ASF1B: variants seen among roughly 807,000 people sequenced by gnomAD.
ASF1B encodes anti-silencing function 1B histone chaperone.
Under a neutral mutation model 16.6 loss-of-function variants are expected in ASF1B, and 10 were observed. The ratio of observed to expected loss-of-function variants is 0.60; its 90% CI spans 0.37 to 1.02. The LOEUF (loss-of-function observed/expected upper bound fraction) is 1.02. ASF1B is among the 50% of genes least tolerant of loss of function. The pLI is 0.01. For missense variants in ASF1B, 240 were observed against 266.0 expected, an observed-to-expected ratio of 0.90 and a Z score of 0.68; for synonymous variants, 101 against 106.2, an observed-to-expected ratio of 0.95 and a Z score of 0.30.
intron 1 of ASF1B, among the ~76,000 whole-genome samples, chr19:14,136,140 G>T (rs1280594816): frequency 6.6e-6 from 1 of 151,198 alleles, no homozygotes; most frequent in East Asian, 2.0e-4. Flanking sequence ...GGCAGTGGGG[G>T]AGGAGGTCAC....
At chr19:14,126,700 G>A (rs1175766856) in intron 1 of ASF1B, among the ~76,000 whole-genome samples, 1 of 152,132 alleles carries the variant, frequency 6.6e-6, no homozygotes. Context: ...TAGAACTCCT[G>A]ACCTCAGGTG....
intron 3 of ASF1B, among the ~76,000 whole-genome samples, chr19:14,120,877 A>T (rs1354119227): frequency 6.6e-6 from 1 of 151,614 alleles, no homozygotes; most frequent in Non-Finnish European, 1.5e-5. Flanking sequence ...CTGGAGTGCA[A>T]TGCTGTGATC....
chr19:14,121,847 C>T, intron 2 of ASF1B, 139 bp from the exon 3 acceptor site: 1 of 765,780 alleles, frequency 1.3e-6, no homozygotes, highest in African/African-American at 1.8e-5. Context: ...TTACTTCTGC[C>T]TCTCGGGTTC....
Position 14,121,598 on chromosome 19 carries a change from G to A in ASF1B, c.336C>T (p.Tyr112=), listed in dbSNP as rs769986777. The stretch of plus-strand genomic sequence containing the variant: ...CAGGGTTGAGGTACTCGTTGTTGAC[G>A]TAGTAGCCCACTCGGATGAACTCCT... ...HGQEFIRVGY[Y]VNNEYLNPEL... is the part of the protein sequence containing the mutation. The change falls in exon 3 of 4, where the codon TAC becomes TAT. Residue 112 remains tyrosine (Y), a synonymous_variant. Transcript: ENST00000263382. 2.7e-5 allele frequency: 43 copies of A among 1,613,888 alleles called. No homozygotes were observed. Among genetic ancestry groups the A allele is most frequent in the Admixed American group, 2.3e-4 (14 of 59,976 alleles).
At chr19:14,132,362 T>A (rs866274221) in intron 1 of ASF1B, among the ~76,000 whole-genome samples, 13 of 152,228 alleles carry the variant, frequency 8.5e-5, no homozygotes, top group African/African-American at 3.1e-4. Flanking sequence ...CAGTTGACGC[T>A]GCTGAGAGTG....
At chr19:14,129,251 A>G (rs1967362217) in intron 1 of ASF1B, among the ~76,000 whole-genome samples, 1 of 151,994 alleles carries the variant, frequency 6.6e-6, no homozygotes, top group Admixed American at 6.6e-5. Context: ...CCCTATCTCA[A>G]AGGAAAAAAA....
intron 1 of ASF1B, among the ~76,000 whole-genome samples, chr19:14,134,042 G>A (rs1967448618): frequency 6.6e-6 from 1 of 151,956 alleles, no homozygotes; most frequent in African/African-American, 2.4e-5. Context: ...CTGACCTCGT[G>A]ATCCGCCCGC....
At chr19:14,123,854 A>G (rs1967279249) in intron 2 of ASF1B, among the ~76,000 whole-genome samples, 1 of 149,332 alleles carries the variant, frequency 6.7e-6, no homozygotes, top group Non-Finnish European at 1.5e-5. Context: ...GCAGTGGCGC[A>G]ATCTCAGCTC....
chr19:14,134,320 C>A (rs1967452885), intron 1 of ASF1B, among the ~76,000 whole-genome samples: 1 of 152,064 alleles, frequency 6.6e-6, no homozygotes, highest in Non-Finnish European at 1.5e-5. Context: ...TATAGTTAGC[C>A]ACAAGTAGAC....
At chr19:14,133,121 A>AAAAT (rs150107917) in intron 1 of ASF1B, among the ~76,000 whole-genome samples, 4,543 of 149,266 alleles carry the variant, frequency 0.03, 120 homozygotes, top group East Asian at 0.11. Flanking sequence ...CTCCATCTCA[A>AAAAT]AAATAAATAA....
chr19:14,133,119 C>T (rs908882912), intron 1 of ASF1B, among the ~76,000 whole-genome samples: 6 of 142,166 alleles, frequency 4.2e-5, no homozygotes, highest in African/African-American at 1.7e-4. Context: ...GACTCCATCT[C>T]AAAAATAAAT....
chr19:14,129,895 G>C (rs1240463735), intron 1 of ASF1B, among the ~76,000 whole-genome samples: 3 of 149,934 alleles, frequency 2.0e-5, no homozygotes, highest in Non-Finnish European at 4.4e-5. Flanking sequence ...AAATTAGCCA[G>C]GCGTGGTGGC....
At position 14,120,508 on chromosome 19, in the gene ASF1B, GGGAGCCCCAA is replaced by G; in HGVS notation, c.550_559del (p.Gly185AlafsTer59). 1 of 1,613,166 alleles carries G rather than the reference GGGAGCCCCAA, an allele frequency of 6.2e-7. No homozygotes were observed. Reference sequence around the variant, plus strand: ...AGGGAGGAGGCCAGGGATGCAGCCAGGGAGCCCCAAGCCCTTGATAGGAGTGCAGTTGAGT... The same window carrying G: ...AGGGAGGAGGCCAGGGATGCAGCCAGGCCCTTGATAGGAGTGCAGTTGAGT... On this transcript the variant is annotated frameshift_variant, in exon 4 of 4. Transcript: ENST00000263382. LOFTEE classifies it high-confidence loss of function.
In ASF1B at chr19:14,136,424, G is replaced by C. The variant is rs1416168612; in HGVS notation, c.33C>G (p.Val11=). 6.2e-7 allele frequency: 1 copy of C among 1,613,658 alleles called. No individual in the cohort carries two copies. The highest frequency in any genetic ancestry group is 8.5e-7 in the Non-Finnish European group (1 of 1,179,780). MAKVSVLNVA[V]LENPSPFHSP... ...TGTGGAAAGGGCTCGGGTTCTCCAG[G>C]ACCGCCACGTTCAGCACCGACACCT... is the stretch of plus-strand genomic sequence containing the variant. Residue 11 remains valine, a synonymous_variant, in exon 1 of 4, where the codon GTC becomes GTG. Transcript: ENST00000263382.
chr19:14,126,638 ATTT>A (rs949650537), intron 1 of ASF1B, among the ~76,000 whole-genome samples: 2 of 152,038 alleles, frequency 1.3e-5, no homozygotes, highest in South Asian at 4.1e-4. Flanking sequence ...TGGCTGGCTA[ATTT>A]TTTTATTTTT....
intron 1 of ASF1B, among the ~76,000 whole-genome samples, chr19:14,130,672 G>A (rs998948928): frequency 2.0e-5 from 3 of 151,912 alleles, no homozygotes. Flanking sequence ...CATGACGTGT[G>A]TACCTAACCT....
chr19:14,132,024 G>A (rs1351969503), intron 1 of ASF1B, among the ~76,000 whole-genome samples: 1 of 124,598 alleles, frequency 8.0e-6, no homozygotes, highest in Non-Finnish European at 1.7e-5. Flanking sequence ...GGTTAGGGTG[G>A]TTTTTTTTTT....
Position 14,119,975 on chromosome 19 carries a change from A to G in ASF1B, c.*484T>C, listed in dbSNP as rs1434652023. 6.4e-6 allele frequency: 1 copy of G among 155,522 alleles called. No individual in the cohort carries two copies. The highest frequency in any genetic ancestry group is 1.4e-5 in the Non-Finnish European group (1 of 70,106). The allele number at this position is 155,522 out of a possible 1,614,324, so 9.6% of individuals were successfully genotyped here. A position where few individuals can be genotyped will look rare whatever the true frequency, so the allele number is the denominator to read the frequency against. On this transcript the variant is annotated 3_prime_UTR_variant, in exon 4 of 4. Transcript: ENST00000263382. ...TGGGAGCAGGACAGAAATGGGATCT[A>G]AGTCTACCTACTAACTAACATTCCC... is the stretch of plus-strand genomic sequence containing the variant.
At chr19:14,129,392 G>C (rs1483832030) in intron 1 of ASF1B, among the ~76,000 whole-genome samples, 1 of 152,046 alleles carries the variant, frequency 6.6e-6, no homozygotes, top group Admixed American at 6.6e-5. Context: ...AGTTACAGAA[G>C]CTGGTTGGGC....
Sources: gnomAD v4.1 joint callset for allele counts (sites outside exome capture counted in the v4.1 genomes callset) on GRCh38, gnomAD v4.1.1 for gene constraint, MANE v1.5 for transcripts, NCBI Gene and HGNC (gene_info 2026-07-23, HGNC 2026-07-21) for gene names.